The following DAB1 variants were observed in gnomAD, a reference collection of about 807,000 sequenced individuals.
The protein encoded by DAB1 is disabled homolog 1.
DAB1 carries 15 observed loss-of-function variants against 64.6 expected under a neutral mutation model. That is an observed-to-expected ratio of 0.23 (90% CI 0.16 to 0.36). DAB1 has a LOEUF of 0.36. DAB1 is among the 10% of genes least tolerant of loss of function. DAB1 has a pLI of 1.00. For synonymous variants in DAB1, 235 were observed against 251.9 expected (o/e 0.93, Z 0.64); for missense variants, 596 against 706.7 (o/e 0.84, Z 1.78).
intron 1 of DAB1, among the ~76,000 whole-genome samples, chr1:57,337,654 G>C (rs923245758): frequency 6.6e-6 from 1 of 152,158 alleles, no homozygotes; most frequent in Non-Finnish European, 1.5e-5. Context: ...GTTTACTGCT[G>C]TATCTTCAGC....
At chr1:57,731,154 T>C (rs1032320760) in intron 6 of DAB1, among the ~76,000 whole-genome samples, 2 of 152,154 alleles carry the variant, frequency 1.3e-5, no homozygotes, top group Non-Finnish European at 2.9e-5. Context: ...AGCAAGGAAA[T>C]TTTGAGACAA....
At chr1:57,825,996 T>G (rs1652333320), downstream of DAB1, 1 of 152,188 alleles carries the variant, frequency 6.6e-6, no homozygotes, top group Non-Finnish European at 1.5e-5. Context: ...GTAACAGGTG[T>G]GGTGTATCAT....
chr1:57,680,278 A>C (rs1267452320), intron 6 of DAB1, among the ~76,000 whole-genome samples: 1 of 152,200 alleles, frequency 6.6e-6, no homozygotes, highest in Non-Finnish European at 1.5e-5. Context: ...ACTTTAGAGG[A>C]ATGGTGTATT....
intron 14 of DAB1, among the ~76,000 whole-genome samples, chr1:56,998,759 A>T (rs537790422): frequency 7.2e-5 from 11 of 152,280 alleles, no homozygotes; most frequent in African/African-American, 2.6e-4. Context: ...ATTCAGTCTG[A>T]GCCCTCCACT....
chr1:57,135,241 C>A (rs1657983952), intron 4 of DAB1, among the ~76,000 whole-genome samples: 1 of 152,176 alleles, frequency 6.6e-6, no homozygotes, highest in Non-Finnish European at 1.5e-5. Flanking sequence ...CTCATGCCTA[C>A]TAAATAATAA....
chr1:58,526,475 A>G (rs76537115), intron 2 of DAB1, among the ~76,000 whole-genome samples: 2,515 of 152,158 alleles, frequency 0.017, 55 homozygotes, highest in East Asian at 0.12. Context: ...TTCTAATCTT[A>G]AATGCTACTA....
chr1:57,689,539 G>C (rs1646739018), intron 6 of DAB1, among the ~76,000 whole-genome samples: 1 of 152,106 alleles, frequency 6.6e-6, no homozygotes, highest in Non-Finnish European at 1.5e-5. Context: ...AAGAGATGGA[G>C]GCCTAATCTG....
chr1:58,394,925 A>G (rs1029249568), intron 3 of DAB1, among the ~76,000 whole-genome samples: 1 of 152,152 alleles, frequency 6.6e-6, no homozygotes, highest in Non-Finnish European at 1.5e-5. Context: ...AGCCGATTTT[A>G]AAAAAAGCAA....
intron 6 of DAB1, among the ~76,000 whole-genome samples, chr1:57,773,322 A>G (rs1400232876): frequency 1.3e-5 from 2 of 149,598 alleles, no homozygotes; most frequent in African/African-American, 4.9e-5. Context: ...TGGATTATTT[A>G]TCTTCTTGTT....
intron 5 of DAB1, among the ~76,000 whole-genome samples, chr1:58,111,626 T>C (rs1049338592): frequency 5.3e-5 from 8 of 152,192 alleles, no homozygotes; most frequent in African/African-American, 1.9e-4. Context: ...TCTTTCTCTG[T>C]TCTTTTTCTT....
intron 3 of DAB1, among the ~76,000 whole-genome samples, chr1:58,453,233 T>A (rs559388483): frequency 6.6e-6 from 1 of 151,858 alleles, no homozygotes; most frequent in African/African-American, 2.4e-5. Flanking sequence ...TGGGGGAGTG[T>A]GAAGCACTCA....
At chr1:58,221,437 C>G (rs890449593) in intron 4 of DAB1, among the ~76,000 whole-genome samples, 6 of 152,204 alleles carry the variant, frequency 3.9e-5, no homozygotes, top group Non-Finnish European at 8.8e-5. Context: ...GCATGCCCGT[C>G]TGAAAGAACA....
chr1:57,189,863 C>G (rs201437807), intron 2 of DAB1, among the ~76,000 whole-genome samples: 1 of 147,954 alleles, frequency 6.8e-6, no homozygotes, highest in African/African-American at 2.5e-5. Context: ...AAAAAAAACA[C>G]AACAGAAAAC....
intron 7 of DAB1, among the ~76,000 whole-genome samples, chr1:57,492,544 A>G (rs74074750): frequency 0.021 from 3,245 of 152,326 alleles, 47 homozygotes; most frequent in South Asian, 0.033. Context: ...AAATGTACTT[A>G]GTCTGAGTGA....
intron 5 of DAB1, among the ~76,000 whole-genome samples, chr1:58,104,128 T>C (rs1480578330): frequency 5.3e-5 from 8 of 152,304 alleles, no homozygotes; most frequent in South Asian, 4.1e-4. Context: ...CACATACATA[T>C]AGCAGTGTGC....
intron 7 of DAB1, among the ~76,000 whole-genome samples, chr1:57,528,885 G>C (rs1644627807): frequency 6.6e-6 from 1 of 152,070 alleles, no homozygotes; most frequent in South Asian, 2.1e-4. Flanking sequence ...GAGACAATTT[G>C]TTGCCAGCAG....
intron 2 of DAB1, among the ~76,000 whole-genome samples, chr1:57,241,712 G>A (rs1668507900): frequency 6.6e-6 from 1 of 152,162 alleles, no homozygotes; most frequent in Non-Finnish European, 1.5e-5. Flanking sequence ...GCCTTTGCCA[G>A]ATCTTGTCCT....
intron 5 of DAB1, among the ~76,000 whole-genome samples, chr1:58,022,236 C>A (rs1206068344): frequency 6.6e-6 from 1 of 152,206 alleles, no homozygotes; most frequent in Admixed American, 6.5e-5. Context: ...ACAAAGCTGA[C>A]CTCCAAGCTT....
chr1:57,482,477 T>TTA (rs1644034412), intron 7 of DAB1, among the ~76,000 whole-genome samples: 2 of 61,200 alleles, frequency 3.3e-5, no homozygotes, highest in African/African-American at 5.4e-5. Flanking sequence ...CTGAAAGTTG[T>TTA]AAAAAAAAAA....
Sources: gnomAD v4.1 joint callset for allele counts (sites outside exome capture counted in the v4.1 genomes callset) on GRCh38, gnomAD v4.1.1 for gene constraint, MANE v1.5 for transcripts, NCBI Gene and HGNC (gene_info 2026-07-23, HGNC 2026-07-21) for gene names.